The following MET variants were observed in gnomAD, a reference collection of about 807,000 sequenced individuals.
MET encodes MET proto-oncogene, receptor tyrosine kinase.
Under a neutral mutation model 133.1 loss-of-function variants are expected in MET, and 48 were observed. The ratio of observed to expected loss-of-function variants is 0.36; its 90% CI spans 0.29 to 0.46. The LOEUF is 0.46. Ranked by LOEUF, MET falls within the 20% of genes least tolerant of loss-of-function variation. The pLI is 1.00. For synonymous variants in MET, 628 were observed against 616.5 expected, an observed-to-expected ratio of 1.02 and a Z score of -0.28; for missense variants, 1,442 against 1,695.9, an observed-to-expected ratio of 0.85 and a Z score of 2.63.
intron 11 of MET, among the ~76,000 whole-genome samples, chr7:116,765,171 G>A (rs1015050666): frequency 6.6e-6 from 1 of 151,512 alleles, no homozygotes; most frequent in Non-Finnish European, 1.5e-5. Context: ...ATGGTGGTGG[G>A]TGCCTGTAAT....
At position 116,795,734 on chromosome 7, in the gene MET, C is replaced by G. The variant is rs779121848; in HGVS notation, c.3878C>G (p.Thr1293Ser). 5 of 1,614,038 alleles carry G rather than the reference C, an allele frequency of 3.1e-6. No individual in the cohort carries two copies. Among genetic ancestry groups the G allele is most frequent in the Non-Finnish European group, 3.4e-6 (4 of 1,180,026 alleles). The change falls in exon 20 of 21, where the codon ACT becomes AGT. Residue 1293 changes from threonine to serine, a missense_variant. Coordinates refer to ENST00000397752, the MANE Select transcript of MET (RefSeq NM_000245.4). ...CCTGACGTAAACACCTTTGATATAA[C>G]TGTTTACTTGTTGCAAGGGAGAAGA... ...PYPDVNTFDI[T>S]VYLLQGRRLL...
At position 116,699,321 on chromosome 7, in the gene MET, G is replaced by A. The variant is rs752226182; in HGVS notation, c.237G>A (p.Gln79=). 2 of 1,614,082 alleles carry A rather than the reference G, an allele frequency of 1.2e-6. No individual in the cohort carries two copies. The highest frequency in any genetic ancestry group is 1.7e-4 in the Middle Eastern group (1 of 6,060). Residue 79 remains glutamine (Q), a synonymous_variant, in exon 2 of 21, where the codon CAG becomes CAA. Transcript: ENST00000397752. ...ATGTTTTAAATGAGGAAGACCTTCA[G>A]AAGGTTGCTGAGTACAAGACTGGGC... ...YIYVLNEEDL[Q]KVAEYKTGPV...
chr7:116,757,904 C>A, intron 8 of MET, 130 bp downstream of exon 8: 1 of 1,020,386 alleles, frequency 9.8e-7, no homozygotes, highest in Non-Finnish European at 1.5e-6. Context: ...TACTCTCCTA[C>A]TGACAAAACT....
intron 2 of MET, among the ~76,000 whole-genome samples, chr7:116,722,259 C>G (rs1792522747): frequency 6.6e-6 from 1 of 150,530 alleles, no homozygotes; most frequent in South Asian, 2.1e-4. Context: ...CTCTTTTGAT[C>G]TTTGTTGGTT....
chr7:116,673,316 C>G (rs967319288), intron 1 of MET, among the ~76,000 whole-genome samples: 2 of 152,140 alleles, frequency 1.3e-5, no homozygotes, highest in African/African-American at 4.8e-5. Context: ...GGAGAGGGCT[C>G]CAATGGCTCA....
intron 5 of MET, 120 bp from the exon 6 acceptor site, chr7:116,755,235 G>T (rs1324480588): frequency 2.5e-6 from 3 of 1,200,976 alleles, no homozygotes; most frequent in Non-Finnish European, 3.5e-6. Context: ...TTACTAAATT[G>T]TGGGAAAATG....
intron 1 of MET, among the ~76,000 whole-genome samples, chr7:116,677,306 G>T (rs1796197366): frequency 1.3e-5 from 2 of 152,066 alleles, no homozygotes; most frequent in Admixed American, 1.3e-4. Context: ...TCACTGCATT[G>T]GATTTTCTTC....
intron 2 of MET, among the ~76,000 whole-genome samples, chr7:116,705,926 C>T (rs1791772010): frequency 6.6e-6 from 1 of 152,092 alleles, no homozygotes; most frequent in Non-Finnish European, 1.5e-5. Context: ...TCACTGGGCA[C>T]ACCCTTGGGG....
chr7:116,682,482 C>T (rs1398420227), intron 1 of MET, among the ~76,000 whole-genome samples: 3 of 151,992 alleles, frequency 2.0e-5, no homozygotes, highest in Admixed American at 6.6e-5. Flanking sequence ...TCAATAAAAC[C>T]GGTTTTGAAA....
chr7:116,676,677 T>A (rs1796170832), intron 1 of MET, among the ~76,000 whole-genome samples: 1 of 152,156 alleles, frequency 6.6e-6, no homozygotes. Context: ...GGAAGGCTTG[T>A]CTTCAAAGGT....
rs1192367512 is a variant in MET at position 116,771,517 on chromosome 7, C to CT, written c.2750_2751insT (p.Thr918AsnfsTer45). 6.2e-7 allele frequency: 1 copy of CT among 1,613,774 alleles called. No individual in the cohort carries two copies. The highest frequency in any genetic ancestry group is 8.5e-7 in the Non-Finnish European group (1 of 1,179,718). ...TTTTAGTGGAAGCAAGCAATTTCTTCAACCGTCCTTGGAAAAGTAATAGTT... is the reference window on the plus strand; with the variant it reads ...TTTTAGTGGAAGCAAGCAATTTCTTCTAACCGTCCTTGGAAAAGTAATAGTT... On this transcript the variant is annotated frameshift_variant, in exon 13 of 21. Coordinates refer to ENST00000397752, the MANE Select transcript of MET (RefSeq NM_000245.4). LOFTEE classifies it high-confidence loss of function.
In MET at chr7:116,791,615, C is replaced by G. The variant is rs188591194; in HGVS notation, c.3799-4040C>G. Among the ~76,000 whole-genome samples, 3 of 151,920 alleles carry G rather than the reference C, an allele frequency of 2.0e-5. No individual in the cohort carries two copies. In the East Asian group the frequency reaches 5.8e-4, roughly 29 times the overall value. On this transcript the variant is annotated intron_variant, in intron 19 of 20. Transcript: ENST00000397752. ...TGTTTCTTATTGAATTGTTCGAGTT[C>G]TCTGTATATTGTGGATACAAGCATA...
At chr7:116,759,576 GT>G in intron 10 of MET, 86 bp downstream of exon 10, 1 of 1,466,892 alleles carries the variant, frequency 6.8e-7, no homozygotes, top group East Asian at 2.4e-5. Context: ...AGACATCTCA[GT>G]TTCGCCTTTA....
chr7:116,752,315 A>G (rs778664530), intron 5 of MET, among the ~76,000 whole-genome samples: 4 of 152,256 alleles, frequency 2.6e-5, no homozygotes, highest in Non-Finnish European at 5.9e-5. Flanking sequence ...AAGCATGATC[A>G]TTTAAAATAC....
intron 6 of MET, among the ~76,000 whole-genome samples, chr7:116,756,368 T>C (rs1794178155): frequency 6.6e-6 from 1 of 152,214 alleles, no homozygotes; most frequent in Admixed American, 6.5e-5. Flanking sequence ...CAGGTGGTTA[T>C]TTTATATCTA....
rs368312290 is a variant in MET at position 116,795,915 on chromosome 7, C to G, written c.3964C>G (p.Pro1322Ala). The G allele has an allele frequency of 1.2e-6, 2 of 1,614,144 alleles. No individual in the cohort carries two copies. Among genetic ancestry groups the G allele is most frequent in the Middle Eastern group, 1.6e-4 (1 of 6,062 alleles). ...LYEVMLKCWHPKAEMRPSFSE... is the reference protein window; with the variant it reads ...LYEVMLKCWHAKAEMRPSFSE... ...TGAAGTAATGCTAAAATGCTGGCAC[C>G]CTAAAGCCGAAATGCGCCCATCCTT... Residue 1322 changes from proline to alanine, a missense_variant, in exon 21 of 21, where the codon CCT (proline) becomes GCT (alanine). Around this residue, in one of 6 missense-constraint regions of MET, gnomAD observed 94 missense variants for 109.5 expected, o/e 0.86. Transcript: ENST00000397752.
intron 3 of MET, among the ~76,000 whole-genome samples, chr7:116,736,574 C>G (rs1793219002): frequency 6.6e-6 from 1 of 152,124 alleles, no homozygotes; most frequent in African/African-American, 2.4e-5. Context: ...TTACTTTGTT[C>G]AGGTTTACAG....
chr7:116,759,320 G>T lies in MET; in HGVS notation c.2265-71G>T, dbSNP rs1794306386. ...TGTAATCAGTGCAGGTGATTAAATTGAATCCCTCTCTTACAGTACTTGGTG... is the reference window on the plus strand; with the variant it reads ...TGTAATCAGTGCAGGTGATTAAATTTAATCCCTCTCTTACAGTACTTGGTG... On this transcript the variant is annotated intron_variant, in intron 9 of 20. Coordinates refer to ENST00000397752, the MANE Select transcript of MET (RefSeq NM_000245.4). 7.0e-6 allele frequency: 11 copies of T among 1,566,144 alleles called. No homozygotes were observed. Among genetic ancestry groups the T allele is most frequent in the Non-Finnish European group, 9.5e-6 (11 of 1,153,354 alleles).
At chr7:116,708,590 T>A (rs1791882785) in intron 2 of MET, among the ~76,000 whole-genome samples, 1 of 152,214 alleles carries the variant, frequency 6.6e-6, no homozygotes, top group Non-Finnish European at 1.5e-5. Context: ...AAGTTACTTT[T>A]TATTATGTGG....
Sources: allele counts gnomAD v4.1 joint callset (sites outside exome capture counted in the v4.1 genomes callset), GRCh38; gene constraint gnomAD v4.1.1; regional missense constraint gnomAD v4.1.1; transcripts MANE v1.5; gene names NCBI Gene and HGNC (gene_info 2026-07-23, HGNC 2026-07-21).